RABGAP1L: variants seen among roughly 807,000 people sequenced by gnomAD.
The protein encoded by RABGAP1L is rab GTPase-activating protein 1-like.
A neutral mutation model predicts 137.7 loss-of-function variants in RABGAP1L; 63 were observed. The observed-to-expected ratio is 0.46, with a 90% CI of 0.37 to 0.56. RABGAP1L has a LOEUF of 0.56. RABGAP1L is among the 20% of genes least tolerant of loss of function. The pLI is 0.00. For missense variants in RABGAP1L, 1,095 were observed against 1,244.0 expected (o/e 0.88, Z 1.80); for synonymous variants, 431 against 433.7 (o/e 0.99, Z 0.08).
intron 14 of RABGAP1L, among the ~76,000 whole-genome samples, chr1:174,654,134 A>T (rs1307598500): frequency 1.3e-5 from 2 of 152,210 alleles, no homozygotes; most frequent in African/African-American, 4.8e-5. Flanking sequence ...ACCAATGGTG[A>T]GTCGTCAGCC....
intron 13 of RABGAP1L, among the ~76,000 whole-genome samples, chr1:174,508,512 G>A (rs374860023): frequency 1.0e-3 from 156 of 152,206 alleles, no homozygotes; most frequent in African/African-American, 3.4e-3. Context: ...TTAGCTAAAT[G>A]GTACCACAGC....
rs1455701304 is a variant in RABGAP1L at position 174,843,310 on chromosome 1, C to T, written c.2340+31350C>T. 2.7e-5 allele frequency among the ~76,000 whole-genome samples: 4 copies of T among 148,086 alleles called. No individual in the cohort carries two copies. In the East Asian group the frequency reaches 6.0e-4, roughly 22 times the overall value. ...GTTACATATGTATACATGTGCCATG[C>T]TGGTGTGCTGCACCCACTAACTCGT... On this transcript the variant is annotated intron_variant, in intron 19 of 25. Transcript: ENST00000681986.
chr1:174,548,299 C>A (rs1345575387), intron 13 of RABGAP1L: 2 of 1,267,844 alleles, frequency 1.6e-6, no homozygotes, highest in African/African-American at 3.0e-5. Context: ...GTTGTTTACC[C>A]TCTTAATTTA....
At chr1:174,249,572 G>A (rs1056811163) in intron 5 of RABGAP1L, among the ~76,000 whole-genome samples, 2 of 149,110 alleles carry the variant, frequency 1.3e-5, no homozygotes, top group Non-Finnish European at 3.0e-5. Flanking sequence ...AAATGTCAGA[G>A]TTGTGAGAAG....
intron 12 of RABGAP1L, among the ~76,000 whole-genome samples, chr1:174,374,321 T>C (rs550418289): frequency 1.3e-5 from 2 of 152,298 alleles, no homozygotes; most frequent in South Asian, 4.1e-4. Flanking sequence ...CCTGATTCTC[T>C]GGTGAAGAAC....
chr1:174,940,920 A>G (rs2149290789), intron 19 of RABGAP1L, among the ~76,000 whole-genome samples: 1 of 152,340 alleles, frequency 6.6e-6, no homozygotes, highest in African/African-American at 2.4e-5. Flanking sequence ...AAATAGGTTC[A>G]TGCTTTCAGC....
chr1:174,412,378 C>T (rs1650042091), intron 13 of RABGAP1L, among the ~76,000 whole-genome samples: 1 of 152,054 alleles, frequency 6.6e-6, no homozygotes, highest in South Asian at 2.1e-4. Flanking sequence ...AGATGGGTCT[C>T]TTGAAGACAG....
intron 13 of RABGAP1L, among the ~76,000 whole-genome samples, chr1:174,486,640 C>T (rs1010550266): frequency 1.3e-5 from 2 of 151,902 alleles, no homozygotes; most frequent in African/African-American, 4.8e-5. Context: ...GCTACCGCGC[C>T]CGGCCTCTGC....
chr1:174,306,987 A>G (rs891048712), intron 11 of RABGAP1L, among the ~76,000 whole-genome samples: 1 of 152,224 alleles, frequency 6.6e-6, no homozygotes, highest in Non-Finnish European at 1.5e-5. Context: ...TGCCATAAAC[A>G]TAATAATTAT....
At chr1:174,449,130 T>C in intron 13 of RABGAP1L, 2 of 1,612,540 alleles carry the variant, frequency 1.2e-6, no homozygotes, top group East Asian at 2.2e-5. Flanking sequence ...ACATCCTGTA[T>C]GTGTGTGAAG....
intron 13 of RABGAP1L, among the ~76,000 whole-genome samples, chr1:174,447,891 C>CG (rs1047941957): frequency 6.7e-5 from 2 of 30,036 alleles, no homozygotes; most frequent in African/African-American, 3.6e-4. Flanking sequence ...CCCCTTACCG[C>CG]CCCCCCCCCA....
intron 3 of RABGAP1L, among the ~76,000 whole-genome samples, chr1:174,225,940 C>T (rs1038836428): frequency 6.6e-6 from 1 of 152,010 alleles, no homozygotes; most frequent in Admixed American, 6.6e-5. Flanking sequence ...CATTTCTTTT[C>T]CTCCAGATTG....
At chr1:174,385,079 C>G (rs4651019) in intron 12 of RABGAP1L, among the ~76,000 whole-genome samples, 44,483 of 151,910 alleles carry the variant, frequency 0.29, 7,293 homozygotes, top group African/African-American at 0.43. Flanking sequence ...TTCTGACTGC[C>G]CAGTGAAAAA....
rs1020927524 is a variant in RABGAP1L at position 174,856,442 on chromosome 1, G to A, written c.2340+44482G>A. ...AAGAAAAGAAAGTAAGACAACTTGT[G>A]CTCTTATTTTTAAAATATTATATAC... is the stretch of plus-strand genomic sequence containing the variant. On this transcript the variant is annotated intron_variant, in intron 19 of 25. Transcript: ENST00000681986. Among the ~76,000 whole-genome samples the A allele has an allele frequency of 7.3e-5, 11 of 150,850 alleles. No individual in the cohort carries two copies. The East Asian group carries it at 1.6e-3, about 21-fold the overall frequency.
At chr1:174,793,073 A>T (rs988468303) in intron 18 of RABGAP1L, among the ~76,000 whole-genome samples, 19 of 152,146 alleles carry the variant, frequency 1.2e-4, no homozygotes, top group Non-Finnish European at 2.4e-4. Flanking sequence ...CAGAGGTTGC[A>T]GTGAGCCAAG....
chr1:174,854,593 A>T (rs750368315), intron 19 of RABGAP1L, among the ~76,000 whole-genome samples: 17 of 151,972 alleles, frequency 1.1e-4, no homozygotes, highest in Admixed American at 7.2e-4. Context: ...CAGGAAATCA[A>T]TTAGACCCTT....
chr1:174,305,682 G>A (rs1678153562), intron 11 of RABGAP1L, among the ~76,000 whole-genome samples: 4 of 151,840 alleles, frequency 2.6e-5, no homozygotes, highest in Admixed American at 6.6e-5. Context: ...CACTGCACCT[G>A]CCCTCAATTA....
At chr1:174,613,042 G>C (rs1264427573) in intron 13 of RABGAP1L, among the ~76,000 whole-genome samples, 1 of 151,080 alleles carries the variant, frequency 6.6e-6, no homozygotes, top group Non-Finnish European at 1.5e-5. Flanking sequence ...AGGGTTTTTT[G>C]TGTCTCTATT....
intron 8 of RABGAP1L, chr1:174,275,000 G>A (rs1180427718): frequency 6.6e-6 from 1 of 152,152 alleles, no homozygotes; most frequent in African/African-American, 2.4e-5. Context: ...GGAAATACTT[G>A]TATGCTGTGT....
Sources: allele counts gnomAD v4.1 joint callset (sites outside exome capture counted in the v4.1 genomes callset), GRCh38; gene constraint gnomAD v4.1.1; transcripts MANE v1.5; gene names NCBI Gene and HGNC (gene_info 2026-07-23, HGNC 2026-07-21).